Variants in NAA38 observed in about 807,000 individuals in gnomAD.
NAA38 encodes the protein N-alpha-acetyltransferase 38, NatC auxiliary subunit.
NAA38 carries 15 observed loss-of-function variants against 12.6 expected under a neutral mutation model. The ratio of observed to expected loss-of-function variants is 1.19; its 90% CI spans 0.79 to 1.83. The LOEUF is 1.83. Among genes scored for constraint, NAA38 ranks in the 40% most tolerant of loss-of-function variants. The pLI is 0.00. For synonymous variants in NAA38, 88 were observed against 69.9 expected, an observed-to-expected ratio of 1.26 and a Z score of -1.29; for missense variants, 183 against 171.7, an observed-to-expected ratio of 1.07 and a Z score of -0.37.
upstream of NAA38, chr17:7,857,694 C>T (rs1191677625): frequency 2.3e-6 from 3 of 1,314,804 alleles, no homozygotes; most frequent in African/African-American, 1.5e-5. Context: ...GAGACCTTTA[C>T]CTCTGGTTTC....
At chr17:7,880,266 TAAG>T (rs1967248592) in intron 2 of NAA38, among the ~76,000 whole-genome samples, 1 of 149,732 alleles carries the variant, frequency 6.7e-6, no homozygotes, top group Non-Finnish European at 1.5e-5. Context: ...GACAGACAGA[TAAG>T]AAGAAAGAAC....
At chr17:7,857,957 C>G, upstream of NAA38, 5 of 1,458,866 alleles carry the variant, frequency 3.4e-6, no homozygotes, top group Non-Finnish European at 4.5e-6. Context: ...GCAGTCCAAA[C>G]CCCGCCCCTG....
upstream of NAA38, chr17:7,862,018 T>C (rs1453011097): frequency 6.6e-6 from 1 of 152,248 alleles, no homozygotes; most frequent in East Asian, 1.9e-4. Context: ...TTCCTTTCAC[T>C]TTCCACCTAG....
intron 2 of NAA38, among the ~76,000 whole-genome samples, chr17:7,873,151 C>G (rs1367308330): frequency 2.0e-5 from 3 of 152,152 alleles, no homozygotes; most frequent in Non-Finnish European, 4.4e-5. Context: ...AACTGAAACT[C>G]TGAGAAGTGG....
At chr17:7,867,850 A>G (rs1471200661) in intron 2 of NAA38, among the ~76,000 whole-genome samples, 1 of 152,164 alleles carries the variant, frequency 6.6e-6, no homozygotes, top group Non-Finnish European at 1.5e-5. Flanking sequence ...GCAGGACTTG[A>G]TAATTTGGGT....
upstream of NAA38, chr17:7,859,699 G>C (rs1451778570): frequency 4.2e-5 from 53 of 1,249,040 alleles, no homozygotes; most frequent in African/African-American, 2.9e-5. Context: ...GGGGCCGAGG[G>C]GTGCCTGGAC....
chr17:7,859,028 C>G (rs60589026), upstream of NAA38: 32 of 567,070 alleles, frequency 5.6e-5, no homozygotes, highest in East Asian at 4.6e-4. Flanking sequence ...GGACAAGAGA[C>G]TCCTTTATAA....
intron 2 of NAA38, chr17:7,866,569 C>T: frequency 1.3e-5 from 15 of 1,188,036 alleles, no homozygotes; most frequent in Non-Finnish European, 1.6e-5. Flanking sequence ...CTGAAATGCC[C>T]CCCAAGCTTT....
intron 2 of NAA38, among the ~76,000 whole-genome samples, chr17:7,873,301 C>A (rs896720450): frequency 4.6e-5 from 7 of 152,076 alleles, no homozygotes; most frequent in Admixed American, 2.0e-4. Flanking sequence ...ACCAGGAATG[C>A]GAAACTACAG....
At chr17:7,873,440 G>A (rs1263992551) in intron 2 of NAA38, among the ~76,000 whole-genome samples, 1 of 152,198 alleles carries the variant, frequency 6.6e-6, no homozygotes, top group Non-Finnish European at 1.5e-5. Context: ...GCAGAGGGCT[G>A]GAAAATGAGT....
chr17:7,879,588 T>C (rs1011068224), intron 2 of NAA38, among the ~76,000 whole-genome samples: 1 of 152,222 alleles, frequency 6.6e-6, no homozygotes, highest in African/African-American at 2.4e-5. Flanking sequence ...TCATTTGCAT[T>C]TCACAGCTGA....
At chr17:7,869,605 T>C (rs1967050450) in intron 2 of NAA38, among the ~76,000 whole-genome samples, 1 of 151,518 alleles carries the variant, frequency 6.6e-6, no homozygotes, top group Non-Finnish European at 1.5e-5. Context: ...CTACTAAAAA[T>C]ATAAAAAATT....
intron 2 of NAA38, among the ~76,000 whole-genome samples, chr17:7,878,219 A>G (rs545321308): frequency 4.3e-4 from 65 of 152,274 alleles, no homozygotes; most frequent in African/African-American, 1.4e-3. Flanking sequence ...TGAGTGATTT[A>G]AAGAAAAATA....
chr17:7,870,160 G>A (rs1393069694), intron 2 of NAA38, among the ~76,000 whole-genome samples: 5 of 152,186 alleles, frequency 3.3e-5, no homozygotes, highest in Non-Finnish European at 7.3e-5. Flanking sequence ...TACTCCAGAA[G>A]CTGAGGTGGG....
upstream of NAA38, chr17:7,858,031 T>G (rs1361274402): frequency 1.9e-6 from 3 of 1,540,492 alleles, no homozygotes; most frequent in Non-Finnish European, 2.6e-6. Flanking sequence ...GGATAAACGC[T>G]CTCCCCTCGG....
chr17:7,873,664 T>G (rs1168380599), intron 2 of NAA38, among the ~76,000 whole-genome samples: 1 of 150,306 alleles, frequency 6.7e-6, no homozygotes, highest in African/African-American at 2.4e-5. Flanking sequence ...CCTGAGAAGG[T>G]GGCAGGGGTG....
At chr17:7,881,474 G>A (rs1345778366) in intron 2 of NAA38, among the ~76,000 whole-genome samples, 1 of 151,934 alleles carries the variant, frequency 6.6e-6, no homozygotes, top group Non-Finnish European at 1.5e-5. Context: ...AGGCAGGGTA[G>A]GGGATGTGGC....
intron 2 of NAA38, among the ~76,000 whole-genome samples, chr17:7,881,401 G>C (rs1323101083): frequency 2.0e-5 from 3 of 152,050 alleles, no homozygotes; most frequent in Non-Finnish European, 4.4e-5. Flanking sequence ...GAGACAGGCA[G>C]ACTGTCTGAG....
At chr17:7,885,141 G>A (rs1181122204) in intron 1 of NAA38, 1 of 982,652 alleles carries the variant, frequency 1.0e-6, no homozygotes, top group Admixed American at 6.3e-5. Context: ...GGCGCGCGAA[G>A]CCGGGCGGGG....
Sources: gnomAD v4.1 joint callset for allele counts (sites outside exome capture counted in the v4.1 genomes callset) on GRCh38, gnomAD v4.1.1 for gene constraint, MANE v1.5 for transcripts, NCBI Gene and HGNC (gene_info 2026-07-23, HGNC 2026-07-21) for gene names.